The following KCNK3 variants were observed in gnomAD, a reference collection of about 807,000 sequenced individuals.
The protein encoded by KCNK3 is potassium two pore domain channel subfamily K member 3.
Under a neutral mutation model 27.3 loss-of-function variants are expected in KCNK3, and 9 were observed. The observed-to-expected ratio is 0.33, with a 90% CI of 0.20 to 0.57. The LOEUF is 0.57. KCNK3 is among the 20% of genes least tolerant of loss of function. The pLI is 0.87. For synonymous variants in KCNK3, 278 were observed against 273.8 expected (o/e 1.02, Z -0.15); for missense variants, 391 against 577.7 (o/e 0.68, Z 3.31).
At chr2:26,711,292 G>T (rs531245528) in intron 1 of KCNK3, among the ~76,000 whole-genome samples, 5 of 152,164 alleles carry the variant, frequency 3.3e-5, no homozygotes, top group Non-Finnish European at 5.9e-5. Context: ...CCGTGAAAAC[G>T]CTCTGAAGTG....
At chr2:26,696,432 A>G (rs1281712333) in intron 1 of KCNK3, among the ~76,000 whole-genome samples, 1 of 152,210 alleles carries the variant, frequency 6.6e-6, no homozygotes, top group Non-Finnish European at 1.5e-5. Context: ...TATGAAGCTC[A>G]GACCCAGCCA....
intron 1 of KCNK3, among the ~76,000 whole-genome samples, chr2:26,702,440 C>T (rs1480752828): frequency 6.6e-6 from 1 of 152,140 alleles, no homozygotes; most frequent in Non-Finnish European, 1.5e-5. Context: ...AGCATGAGTC[C>T]CAACTTCAAA....
chr2:26,694,028 G>A (rs1670204777), intron 1 of KCNK3, among the ~76,000 whole-genome samples: 1 of 152,046 alleles, frequency 6.6e-6, no homozygotes, highest in Non-Finnish European at 1.5e-5. Flanking sequence ...CCCAGGAAAG[G>A]AATCTCTAGC....
Position 26,731,294 on chromosome 2 carries a change from C to G in KCNK3, c.*2726C>G, listed in dbSNP as rs1663535739. 1 of 152,314 alleles carries G rather than the reference C, an allele frequency of 6.6e-6. No homozygotes were observed. The highest frequency in any genetic ancestry group is 6.6e-5 in the Admixed American group (1 of 15,266). The allele number at this position is 152,314 out of a possible 1,614,324, so 9.4% of individuals were successfully genotyped here. ...CCCCTGCCGGGGTCTACAAACATAT[C>G]TAGCTGCTGGGTGCCGTGGCTCACA... On this transcript the variant is annotated 3_prime_UTR_variant, in exon 2 of 2. Transcript: ENST00000302909.
rs569148721 is a variant in KCNK3 at position 26,697,427 on chromosome 2, C to T, written c.283+4269C>T. 1.4e-4 allele frequency among the ~76,000 whole-genome samples: 22 copies of T among 152,288 alleles called. No homozygotes were observed. In the South Asian group the frequency reaches 3.3e-3, roughly 23 times the overall value. The stretch of plus-strand genomic sequence containing the variant: ...GGCTGAGGCATGAGAATCACTTGAA[C>T]GCAGAAGGCAGAGGCTGCAGTGAGC... On this transcript the variant is annotated intron_variant, in intron 1 of 1. Coordinates refer to ENST00000302909, the MANE Select transcript of KCNK3 (RefSeq NM_002246.3).
At chr2:26,713,194 G>A (rs1171095512) in intron 1 of KCNK3, among the ~76,000 whole-genome samples, 2 of 152,208 alleles carry the variant, frequency 1.3e-5, no homozygotes, top group Non-Finnish European at 2.9e-5. Flanking sequence ...ACTGCGAAAG[G>A]AGGAGGCAGC....
intron 1 of KCNK3, among the ~76,000 whole-genome samples, chr2:26,714,062 C>T (rs1424517591): frequency 6.7e-6 from 1 of 149,104 alleles, no homozygotes; most frequent in Non-Finnish European, 1.5e-5. Flanking sequence ...GGCAACAGTG[C>T]AAAACCTCTG....
In KCNK3 at chr2:26,719,141, TA is replaced by T. The variant is rs1663282707; in HGVS notation, c.284-8525del. ...CAATTTTTCACAATGAAAATGCTGC[TA>T]TAAACATCCTTGTTCATAAATCTTT... On this transcript the variant is annotated intron_variant, in intron 1 of 1. Coordinates refer to ENST00000302909, the MANE Select transcript of KCNK3 (RefSeq NM_002246.3). Among the ~76,000 whole-genome samples the T allele has an allele frequency of 2.0e-5, 3 of 152,244 alleles. No individual in the cohort carries two copies. In the South Asian group the frequency reaches 6.2e-4, roughly 31 times the overall value.
At chr2:26,709,689 C>A (rs548036860) in intron 1 of KCNK3, among the ~76,000 whole-genome samples, 1 of 152,254 alleles carries the variant, frequency 6.6e-6, no homozygotes, top group South Asian at 2.1e-4. Flanking sequence ...GCAACTATAC[C>A]ACAGCTCGCC....
intron 1 of KCNK3, among the ~76,000 whole-genome samples, chr2:26,695,549 T>C (rs1202377394): frequency 1.3e-5 from 2 of 152,204 alleles, no homozygotes; most frequent in Non-Finnish European, 2.9e-5. Context: ...ATTTGCATTA[T>C]AGGGGAAGTG....
Position 26,722,495 on chromosome 2 carries a change from C to T in KCNK3, c.284-5172C>T, listed in dbSNP as rs78899180. Reference sequence around the variant, plus strand: ...TACTTCATTATTCCCATTTTACAGACGAGAAAACTGAGGCACAGTGGATTA... The same window carrying T: ...TACTTCATTATTCCCATTTTACAGATGAGAAAACTGAGGCACAGTGGATTA... On this transcript the variant is annotated intron_variant, in intron 1 of 1. Transcript: ENST00000302909. Among the ~76,000 whole-genome samples, 1,261 of 152,308 alleles carry T rather than the reference C, an allele frequency of 8.3e-3. 16 individuals are homozygous for T. The highest frequency in any genetic ancestry group is 0.028 in the African/African-American group (1,175 of 41,562).
At chr2:26,699,255 C>CAAAGAAAGAAAGAA (rs1228423650) in intron 1 of KCNK3, among the ~76,000 whole-genome samples, 31 of 106,496 alleles carry the variant, frequency 2.9e-4, no homozygotes, top group Middle Eastern at 5.9e-3. Context: ...GAAAGAAAGC[C>CAAAGAAAGAAAGAA]AGCCAAGGAG....
In KCNK3 at chr2:26,703,711, C is replaced by T. The variant is rs141471220; in HGVS notation, c.283+10553C>T. Among the ~76,000 whole-genome samples the T allele has an allele frequency of 4.4e-3, 670 of 152,346 alleles. 7 individuals carry two copies. The highest frequency in any genetic ancestry group is 0.015 in the African/African-American group (641 of 41,578). Reference sequence around the variant, plus strand: ...AGACCTAGAGCCTTCCCCAAGGAGCCTTGGGTCAGTGGAATCTGAAAAGCA... The same window carrying T: ...AGACCTAGAGCCTTCCCCAAGGAGCTTTGGGTCAGTGGAATCTGAAAAGCA... On this transcript the variant is annotated intron_variant, in intron 1 of 1. Transcript: ENST00000302909.
chr2:26,705,977 C>T (rs995960206), intron 1 of KCNK3, among the ~76,000 whole-genome samples: 4 of 152,016 alleles, frequency 2.6e-5, no homozygotes, highest in Non-Finnish European at 4.4e-5. Flanking sequence ...ACCCTGCCCA[C>T]GGGAGTTAAT....
chr2:26,698,099 C>T (rs534324411), intron 1 of KCNK3, among the ~76,000 whole-genome samples: 1 of 152,298 alleles, frequency 6.6e-6, no homozygotes, highest in East Asian at 1.9e-4. Context: ...TCTCTGCATC[C>T]TCCAGCCTGT....
chr2:26,726,788 G>A (rs1390891144), intron 1 of KCNK3, among the ~76,000 whole-genome samples: 1 of 152,014 alleles, frequency 6.6e-6, no homozygotes, highest in Non-Finnish European at 1.5e-5. Flanking sequence ...GGGCCAGGGT[G>A]GGGGCGGGGT....
At chr2:26,695,868 C>A (rs1670228594) in intron 1 of KCNK3, among the ~76,000 whole-genome samples, 1 of 152,150 alleles carries the variant, frequency 6.6e-6, no homozygotes, top group Non-Finnish European at 1.5e-5. Flanking sequence ...ATCAGACCAC[C>A]CCCCTGGTTC....
intron 1 of KCNK3, among the ~76,000 whole-genome samples, chr2:26,725,963 T>A (rs1663409015): frequency 6.6e-6 from 1 of 152,180 alleles, no homozygotes. Context: ...GGTACCAGGC[T>A]CTGGGCTAAG....
chr2:26,709,950 C>T, intron 1 of KCNK3, among the ~76,000 whole-genome samples: 1 of 152,230 alleles, frequency 6.6e-6, no homozygotes, highest in East Asian at 1.9e-4. Context: ...TCCCTCCCAC[C>T]TCATCCATCC....
Sources: allele counts gnomAD v4.1 joint callset (sites outside exome capture counted in the v4.1 genomes callset), GRCh38; gene constraint gnomAD v4.1.1; transcripts MANE v1.5; gene names NCBI Gene and HGNC (gene_info 2026-07-23, HGNC 2026-07-21).